Variants in CNTLN observed in about 807,000 individuals in gnomAD.
The protein encoded by CNTLN is centlein, also known as centlein, centrosomal protein.
Under a neutral mutation model 180.0 loss-of-function variants are expected in CNTLN, and 212 were observed. The ratio of observed to expected loss-of-function variants is 1.18; its 90% confidence interval spans 1.05 to 1.32. The LOEUF is 1.32. Among genes scored for constraint, CNTLN ranks in the 40% most tolerant of loss-of-function variants. The pLI is 0.00. For missense variants in CNTLN, 2,095 were observed against 1,610.9 expected (o/e 1.30, Z -5.14); for synonymous variants, 722 against 563.1 (o/e 1.28, Z -3.99).
At chr9:17,139,812 C>T (rs1054137504) in intron 1 of CNTLN, among the ~76,000 whole-genome samples, 1 of 151,974 alleles carries the variant, frequency 6.6e-6, no homozygotes, top group Non-Finnish European at 1.5e-5. Flanking sequence ...TCAAAGGATC[C>T]ACCCACCTCA....
chr9:17,393,167 G>C (rs1404906667), intron 14 of CNTLN, among the ~76,000 whole-genome samples: 1 of 151,912 alleles, frequency 6.6e-6, no homozygotes, highest in East Asian at 1.9e-4. Flanking sequence ...CTAGCTTCTG[G>C]GGTCTCTTAT....
At chr9:17,445,351 C>T (rs1461127510) in intron 18 of CNTLN, among the ~76,000 whole-genome samples, 1 of 151,992 alleles carries the variant, frequency 6.6e-6, no homozygotes, top group East Asian at 1.9e-4. Context: ...ATACAGTTAA[C>T]TATTGACCCT....
chr9:17,165,579 A>G (rs1481165353), intron 2 of CNTLN, among the ~76,000 whole-genome samples: 1 of 148,486 alleles, frequency 6.7e-6, no homozygotes. Context: ...TAAAGTCTAT[A>G]TAAGGAGCAT....
In CNTLN at chr9:17,399,092, G is replaced by A. The variant is rs1005861702; in HGVS notation, c.2615+4023G>A. 3.3e-5 allele frequency among the ~76,000 whole-genome samples: 5 copies of A among 152,264 alleles called. No individual in the cohort carries two copies. The East Asian group carries it at 9.7e-4, about 29-fold the overall frequency. Reference sequence around the variant, plus strand: ...CCTACAATTTGCTGTTCCTTGGGACGCAAGTCCTTTCTTTTCCCTTATCAC... The same window carrying A: ...CCTACAATTTGCTGTTCCTTGGGACACAAGTCCTTTCTTTTCCCTTATCAC... On this transcript the variant is annotated intron_variant, in intron 15 of 25. Coordinates refer to ENST00000380647, the MANE Select transcript of CNTLN (RefSeq NM_017738.4).
intron 2 of CNTLN, among the ~76,000 whole-genome samples, chr9:17,205,563 C>A (rs114197085): frequency 6.6e-6 from 1 of 152,110 alleles, no homozygotes; most frequent in Non-Finnish European, 1.5e-5. Flanking sequence ...CACACCAGTT[C>A]TGATGAAGGA....
At chr9:17,153,262 C>T (rs916746681) in intron 2 of CNTLN, among the ~76,000 whole-genome samples, 4 of 152,106 alleles carry the variant, frequency 2.6e-5, no homozygotes, top group South Asian at 4.1e-4. Context: ...ATGTTCTTTA[C>T]AATTTGGTAT....
chr9:17,280,070 A>G (rs768513917), intron 6 of CNTLN, among the ~76,000 whole-genome samples: 4 of 152,214 alleles, frequency 2.6e-5, no homozygotes, highest in Admixed American at 1.3e-4. Context: ...TTCTGTAAGA[A>G]TAACTGTAAG....
chr9:17,207,752 G>T (rs1201373005), intron 2 of CNTLN, among the ~76,000 whole-genome samples: 3 of 152,026 alleles, frequency 2.0e-5, no homozygotes, highest in Admixed American at 6.6e-5. Context: ...CGTTGGTCTC[G>T]CTGGGAGCTG....
intron 23 of CNTLN, among the ~76,000 whole-genome samples, chr9:17,473,051 C>G (rs1832118133): frequency 2.0e-5 from 3 of 152,098 alleles, no homozygotes; most frequent in African/African-American, 7.2e-5. Context: ...GGAAAAAACT[C>G]AAACCTACTT....
intron 8 of CNTLN, among the ~76,000 whole-genome samples, chr9:17,310,805 C>T (rs752908978): frequency 5.9e-5 from 9 of 152,056 alleles, no homozygotes; most frequent in Admixed American, 6.5e-5. Flanking sequence ...TTTTTATGTG[C>T]ATATCACTGA....
chr9:17,485,108 C>T (rs1416163573), intron 24 of CNTLN, among the ~76,000 whole-genome samples: 1 of 152,140 alleles, frequency 6.6e-6, no homozygotes, highest in East Asian at 1.9e-4. Context: ...AATCTCATAC[C>T]ACGCAGTCTT....
chr9:17,409,341 A>G lies in CNTLN; in HGVS notation c.2664A>G (p.Val888=). 1.2e-6 allele frequency: 2 copies of G among 1,613,442 alleles called. No homozygotes were observed. The highest frequency in any genetic ancestry group is 2.7e-5 in the African/African-American group (2 of 75,026). The change falls in exon 16 of 26, where the codon GTA becomes GTG. Residue 888 remains valine (V), a synonymous_variant. Transcript: ENST00000380647. ...CTCAAACTTTGGGAACAATTATTGTAGAAACATCCCAGAAAATAAGTCCTA... is the reference window on the plus strand; with the variant it reads ...CTCAAACTTTGGGAACAATTATTGTGGAAACATCCCAGAAAATAAGTCCTA... ...QTSQTLGTII[V]ETSQKISPTE...
chr9:17,387,718 T>G (rs1164113365), intron 13 of CNTLN, among the ~76,000 whole-genome samples: 1 of 152,122 alleles, frequency 6.6e-6, no homozygotes, highest in Non-Finnish European at 1.5e-5. Context: ...TGTTACAATT[T>G]CAATCCACCC....
chr9:17,375,392 T>C (rs1417662375), intron 13 of CNTLN, among the ~76,000 whole-genome samples: 2 of 152,120 alleles, frequency 1.3e-5, no homozygotes, highest in Admixed American at 6.6e-5. Context: ...AATTTAATTG[T>C]TGGTTGGTTT....
At chr9:17,477,874 A>T (rs535532284) in intron 23 of CNTLN, among the ~76,000 whole-genome samples, 116 of 152,362 alleles carry the variant, frequency 7.6e-4, no homozygotes, top group Non-Finnish European at 1.0e-3. Flanking sequence ...CCAGTTTTGA[A>T]AGAAGTTGTG....
At chr9:17,518,036 C>CTTTTTTTTTTTTTTTTTTTTTTTTTTT in the CNTLN span, among the ~76,000 whole-genome samples, 1 of 69,246 alleles carries the variant, frequency 1.4e-5, no homozygotes, top group African/African-American at 6.0e-5. Context: ...TTTTCTTTTC[C>CTTTTTTTTTTTTTTTTTTTTTTTTTTT]TTTTTTTTTT....
Position 17,334,302 on chromosome 9 carries a change from C to G in CNTLN, c.1644+1572C>G, listed in dbSNP as rs548823565. ...CTCAAACTCCTGACCTCAAATGATCCTCCTGCCTCAGCCTCCCAAAGTGCT... is the reference window on the plus strand; with the variant it reads ...CTCAAACTCCTGACCTCAAATGATCGTCCTGCCTCAGCCTCCCAAAGTGCT... On this transcript the variant is annotated intron_variant, in intron 10 of 25. Coordinates refer to ENST00000380647, the MANE Select transcript of CNTLN (RefSeq NM_017738.4). 1.9e-4 allele frequency among the ~76,000 whole-genome samples: 29 copies of G among 152,152 alleles called. 1 individual carries two copies. The South Asian group carries it at 5.6e-3, about 29-fold the overall frequency.
intron 2 of CNTLN, among the ~76,000 whole-genome samples, chr9:17,180,557 A>G (rs1056485388): frequency 6.6e-6 from 1 of 151,794 alleles, no homozygotes; most frequent in East Asian, 1.9e-4. Context: ...TGTTTCAGCC[A>G]TCAAACCTAA....
At chr9:17,512,711 C>T in the CNTLN span, among the ~76,000 whole-genome samples, 1 of 152,210 alleles carries the variant, frequency 6.6e-6, no homozygotes, top group African/African-American at 2.4e-5. Context: ...CATATTCATA[C>T]TCCTAAAAAG....
Sources: gnomAD v4.1 joint callset for allele counts (sites outside exome capture counted in the v4.1 genomes callset) on GRCh38, gnomAD v4.1.1 for gene constraint, MANE v1.5 for transcripts, NCBI Gene and HGNC (gene_info 2026-07-23, HGNC 2026-07-21) for gene names.